Variants in CCDC3 observed in about 807,000 individuals in gnomAD.
The protein encoded by CCDC3 is coiled-coil domain-containing protein 3.
A neutral mutation model predicts 21.4 loss-of-function variants in CCDC3; 24 were observed. The ratio of observed to expected loss-of-function variants is 1.12; its 90% CI spans 0.81 to 1.58. CCDC3 has a LOEUF of 1.58. Among genes scored for constraint, CCDC3 ranks in the 40% most tolerant of loss-of-function variants. The pLI is 0.00. For missense variants in CCDC3, 425 were observed against 360.9 expected, an observed-to-expected ratio of 1.18 and a Z score of -1.44; for synonymous variants, 186 against 166.0, an observed-to-expected ratio of 1.12 and a Z score of -0.93.
chr10:13,006,474 G>A (rs1835925747), upstream of CCDC3, among the ~76,000 whole-genome samples: 1 of 152,232 alleles, frequency 6.6e-6, no homozygotes, highest in African/African-American at 2.4e-5. Flanking sequence ...CAGTGGAGAT[G>A]TGATAACTAT....
chr10:13,023,338 T>TGAC (rs34635729), intron 5 of CCDC3, among the ~76,000 whole-genome samples: 10,734 of 152,188 alleles, frequency 0.071, 462 homozygotes, highest in Middle Eastern at 0.14. Flanking sequence ...GATGCTGGAA[T>TGAC]GACAAGAAGG....
chr10:12,932,092 C>A (rs1363144117), intron 2 of CCDC3, among the ~76,000 whole-genome samples: 1 of 152,136 alleles, frequency 6.6e-6, no homozygotes, highest in East Asian at 1.9e-4. Flanking sequence ...TCTTTAATAT[C>A]TTTCTTCAGA....
intron 4 of CCDC3, among the ~76,000 whole-genome samples, chr10:13,055,998 AT>A (rs1246373809): frequency 6.6e-6 from 1 of 152,262 alleles, no homozygotes; most frequent in Non-Finnish European, 1.5e-5. Context: ...GATACTTCCT[AT>A]GAAATATTTT....
intron 4 of CCDC3, among the ~76,000 whole-genome samples, chr10:13,055,482 A>G (rs1237657863): frequency 6.6e-6 from 1 of 150,562 alleles, no homozygotes; most frequent in African/African-American, 2.4e-5. Flanking sequence ...GGCATGCACC[A>G]CCATACCTGG....
intron 4 of CCDC3, among the ~76,000 whole-genome samples, chr10:13,067,662 C>T (rs192798098): frequency 4.9e-4 from 75 of 152,276 alleles, no homozygotes; most frequent in African/African-American, 1.6e-3. Flanking sequence ...TCAATCCTGG[C>T]TTAGGGAATA....
intron 3 of CCDC3, among the ~76,000 whole-genome samples, chr10:13,078,482 C>T (rs972055611): frequency 6.6e-6 from 1 of 152,210 alleles, no homozygotes; most frequent in Non-Finnish European, 1.5e-5. Flanking sequence ...ACTAGAAATA[C>T]CATTTAACCA....
In CCDC3 at chr10:12,908,612, C is replaced by CTTTCTT. The variant is rs1554752962; in HGVS notation, c.550-9934_550-9933insAAGAAA. On this transcript the variant is annotated intron_variant, in intron 2 of 2. Transcript: ENST00000378825. ...TTCTTGGCTAAGAACTGTGATTTTTCTTTTTTTTTTTTTTTGAGACAGAGT... is the reference window on the plus strand; with the variant it reads ...TTCTTGGCTAAGAACTGTGATTTTTCTTTCTTTTTTTTTTTTTTTTTGAGACAGAGT... 3.2e-4 allele frequency among the ~76,000 whole-genome samples: 44 copies of CTTTCTT among 139,334 alleles called. No homozygotes were observed. In the East Asian group the frequency reaches 8.6e-3, roughly 27 times the overall value. The allele number at this position is 139,334 out of a possible 152,430, so 91.4% of individuals were successfully genotyped here. A position where few individuals can be genotyped will look rare whatever the true frequency, so the allele number is the denominator to read the frequency against.
Position 12,904,477 on chromosome 10 carries a change from A to AAAAAAAAAAAAC in CCDC3, c.550-5799_550-5798insGTTTTTTTTTTT, listed in dbSNP as rs1834141969. Among the ~76,000 whole-genome samples, 3 of 146,666 alleles carry AAAAAAAAAAAAC rather than the reference A, an allele frequency of 2.0e-5. 1 individual carries two copies. The highest frequency in any genetic ancestry group is 4.5e-5 in the Non-Finnish European group (3 of 66,038). On this transcript the variant is annotated intron_variant, in intron 2 of 2. Coordinates refer to ENST00000378825, the MANE Select transcript of CCDC3 (RefSeq NM_031455.4). ...GAGCAAAAGCCAGTCTTAAAAAAAA[A>AAAAAAAAAAAAC]AAAAAAAAAAAAAAGACTGGCTCAG...
chr10:12,946,387 A>G (rs1834916947), intron 2 of CCDC3, among the ~76,000 whole-genome samples: 1 of 152,226 alleles, frequency 6.6e-6, no homozygotes, highest in African/African-American at 2.4e-5. Context: ...ACTGCACCTT[A>G]ATTTATTAGT....
rs912086137 is a variant in CCDC3, at chr10:12,998,461, G to A, written c.426C>T (p.Ala142=). ...TGTTCTCTTGAGTGTCTGGGAAGAT[G>A]GCATCTTGGAAATTGACTCCGTGAG... ...LLPHGVNFQD[A]IFPDTQENRR... is the part of the protein sequence containing the mutation. The change falls in exon 2 of 3, where the codon GCC becomes GCT. Residue 142 remains alanine, a synonymous_variant. Coordinates refer to ENST00000378825, the MANE Select transcript of CCDC3 (RefSeq NM_031455.4). 4 of 1,614,088 alleles carry A rather than the reference G, an allele frequency of 2.5e-6. No homozygotes were observed. The highest frequency in any genetic ancestry group is 1.3e-5 in the African/African-American group (1 of 75,026).
At chr10:12,970,748 T>C (rs146148542) in intron 2 of CCDC3, among the ~76,000 whole-genome samples, 33 of 152,192 alleles carry the variant, frequency 2.2e-4, no homozygotes, top group African/African-American at 7.5e-4. Context: ...TAGCTGGGCA[T>C]GGTGGCAGAC....
chr10:13,042,721 A>C (rs894293595), intron 5 of CCDC3, among the ~76,000 whole-genome samples: 1 of 151,768 alleles, frequency 6.6e-6, no homozygotes, highest in Non-Finnish European at 1.5e-5. Context: ...ATCCTGGCTA[A>C]CATGGTGAAA....
chr10:12,973,070 G>A (rs991122693), intron 2 of CCDC3, among the ~76,000 whole-genome samples: 5 of 152,184 alleles, frequency 3.3e-5, no homozygotes, highest in African/African-American at 1.2e-4. Context: ...GGACAATGTG[G>A]CAGCTACCAT....
At chr10:12,994,789 G>A (rs1835734568) in intron 2 of CCDC3, among the ~76,000 whole-genome samples, 1 of 151,856 alleles carries the variant, frequency 6.6e-6, no homozygotes, top group African/African-American at 2.4e-5. Flanking sequence ...TAAGAAAAAA[G>A]CAGCAAGTAG....
At chr10:13,014,268 A>G (rs1004436047) in intron 5 of CCDC3, among the ~76,000 whole-genome samples, 2 of 151,234 alleles carry the variant, frequency 1.3e-5, no homozygotes, top group African/African-American at 2.4e-5. Flanking sequence ...CCTGGCTACT[A>G]TGAAACCTCA....
At chr10:13,014,248 T>A (rs1351240355) in intron 5 of CCDC3, among the ~76,000 whole-genome samples, 1 of 150,530 alleles carries the variant, frequency 6.6e-6, no homozygotes, top group South Asian at 2.1e-4. Context: ...GGTCAGGAGA[T>A]TGAGACCATC....
At chr10:12,972,712 G>A (rs1835361020) in intron 2 of CCDC3, among the ~76,000 whole-genome samples, 1 of 152,136 alleles carries the variant, frequency 6.6e-6, no homozygotes, top group Admixed American at 6.5e-5. Flanking sequence ...AGCTACTCAG[G>A]AGGCTGAGAC....
intron 2 of CCDC3, among the ~76,000 whole-genome samples, chr10:12,986,982 G>A (rs2131276780): frequency 6.6e-6 from 1 of 152,164 alleles, no homozygotes; most frequent in African/African-American, 2.4e-5. Context: ...CTTGCTGGAG[G>A]GCAATCTTCT....
At chr10:13,029,561 C>G (rs532130528) in intron 5 of CCDC3, among the ~76,000 whole-genome samples, 1 of 152,036 alleles carries the variant, frequency 6.6e-6, no homozygotes, top group African/African-American at 2.4e-5. Flanking sequence ...GGAGGATGTC[C>G]GAACCCATCG....
Sources: allele counts gnomAD v4.1 joint callset (sites outside exome capture counted in the v4.1 genomes callset), GRCh38; gene constraint gnomAD v4.1.1; transcripts MANE v1.5; gene names NCBI Gene and HGNC (gene_info 2026-07-23, HGNC 2026-07-21).